Variants in NOX4 observed in about 807,000 individuals in gnomAD.
The protein encoded by NOX4 is kidney oxidase-1.
NOX4 carries 69 observed loss-of-function variants against 87.6 expected under a neutral mutation model. That is an observed-to-expected ratio of 0.79 (90% CI 0.65 to 0.96). NOX4 has a LOEUF of 0.96. Ranked by LOEUF, NOX4 falls within the 40% of genes least tolerant of loss-of-function variation. The pLI is 0.00. For synonymous variants in NOX4, 275 were observed against 238.2 expected, an observed-to-expected ratio of 1.15 and a Z score of -1.42; for missense variants, 680 against 681.5, an observed-to-expected ratio of 1.00 and a Z score of 0.02.
chr11:89,555,507 G>A, the NOX4 span, among the ~76,000 whole-genome samples: 1 of 152,044 alleles, frequency 6.6e-6, no homozygotes, highest in African/African-American at 2.4e-5. Flanking sequence ...TTTTTAGTGT[G>A]CTTTCTTATT....
At chr11:89,332,209 A>ACT (rs5793402) in intron 17 of NOX4, among the ~76,000 whole-genome samples, 1 of 96,934 alleles carries the variant, frequency 1.0e-5, no homozygotes, top group African/African-American at 2.2e-4. Flanking sequence ...ATCCAGGAGA[A>ACT]GTCACTTGAC....
chr11:89,488,688 C>A (rs568531577), intron 2 of NOX4, among the ~76,000 whole-genome samples: 90 of 152,222 alleles, frequency 5.9e-4, no homozygotes, highest in Admixed American at 3.5e-3. Context: ...TGATCCAGAG[C>A]AAATTTTACC....
chr11:89,571,445 C>T, the NOX4 span, among the ~76,000 whole-genome samples: 3 of 151,936 alleles, frequency 2.0e-5, no homozygotes, highest in Non-Finnish European at 4.4e-5. Context: ...TACAGGCGCA[C>T]ACCACCATGC....
rs184427899 is a variant in NOX4, at chr11:89,368,763, A to G, written c.1135+4669T>C. 2.4e-4 allele frequency among the ~76,000 whole-genome samples: 37 copies of G among 152,174 alleles called. No individual in the cohort carries two copies. The South Asian group carries it at 4.6e-3, about 19-fold the overall frequency. ...GTTGGTCAATTTCTGTGGAATAACT[A>G]CTATCACTGTGAGTGATGGGAAGCT... On this transcript the variant is annotated intron_variant, in intron 12 of 17. Coordinates refer to ENST00000263317, the MANE Select transcript of NOX4 (RefSeq NM_016931.5).
upstream of NOX4, among the ~76,000 whole-genome samples, chr11:89,494,272 C>T (rs1164255053): frequency 6.6e-6 from 1 of 152,194 alleles, no homozygotes; most frequent in Non-Finnish European, 1.5e-5. Context: ...TAACACTGAT[C>T]TTCCTATGTT....
chr11:89,551,945 T>C, the NOX4 span, among the ~76,000 whole-genome samples: 1 of 152,040 alleles, frequency 6.6e-6, no homozygotes, highest in Non-Finnish European at 1.5e-5. Context: ...AAATAGCTAT[T>C]ATTTTTATTT....
the NOX4 span, among the ~76,000 whole-genome samples, chr11:89,539,196 G>T: frequency 1.1e-4 from 17 of 152,278 alleles, no homozygotes; most frequent in Admixed American, 3.3e-4. Flanking sequence ...CACTTTGGGA[G>T]GCCAAGACGG....
At chr11:89,363,090 C>T (rs562920069) in intron 12 of NOX4, among the ~76,000 whole-genome samples, 16 of 151,930 alleles carry the variant, frequency 1.1e-4, no homozygotes, top group Middle Eastern at 3.4e-3. Context: ...AAGATACAAA[C>T]GCTACAAGTA....
the NOX4 span, among the ~76,000 whole-genome samples, chr11:89,514,686 G>T: frequency 6.6e-6 from 1 of 151,786 alleles, no homozygotes; most frequent in African/African-American, 2.4e-5. Flanking sequence ...TCATGAAGGG[G>T]TATTGAATTT....
At chr11:89,458,377 A>T (rs929900303) in intron 2 of NOX4, among the ~76,000 whole-genome samples, 5 of 152,226 alleles carry the variant, frequency 3.3e-5, no homozygotes, top group African/African-American at 1.2e-4. Flanking sequence ...ACCTGGTAAA[A>T]ATACCATTCA....
chr11:89,397,944 G>A (rs1941596000), intron 11 of NOX4, among the ~76,000 whole-genome samples: 1 of 151,806 alleles, frequency 6.6e-6, no homozygotes, highest in South Asian at 2.1e-4. Context: ...GAAAAAGAGG[G>A]AATCCTCCCT....
At chr11:89,345,483 C>G (rs768479774) in intron 13 of NOX4, among the ~76,000 whole-genome samples, 2 of 152,166 alleles carry the variant, frequency 1.3e-5, no homozygotes, top group Non-Finnish European at 2.9e-5. Flanking sequence ...GCCACAGCTT[C>G]CAGCCAGACA....
intron 2 of NOX4, among the ~76,000 whole-genome samples, chr11:89,466,633 C>A (rs942297690): frequency 6.6e-6 from 1 of 152,090 alleles, no homozygotes; most frequent in African/African-American, 2.4e-5. Flanking sequence ...CAATAGTGAA[C>A]TAAAAACATA....
chr11:89,373,048 T>C (rs577538984), intron 12 of NOX4, among the ~76,000 whole-genome samples: 10 of 151,838 alleles, frequency 6.6e-5, no homozygotes, highest in Non-Finnish European at 1.3e-4. Flanking sequence ...ATGCAAGAAC[T>C]GGAAGATTTG....
the NOX4 span, among the ~76,000 whole-genome samples, chr11:89,518,806 G>A: frequency 6.6e-6 from 1 of 152,016 alleles, no homozygotes; most frequent in South Asian, 2.1e-4. Flanking sequence ...GATCCACAGT[G>A]CTCTAAGGAC....
chr11:89,329,257 A>G (rs938977772), intron 17 of NOX4, among the ~76,000 whole-genome samples: 13 of 151,492 alleles, frequency 8.6e-5, no homozygotes, highest in African/African-American at 2.9e-4. Context: ...TAAATATACT[A>G]GATGAGTTAA....
chr11:89,473,695 A>G (rs916947426), intron 2 of NOX4, among the ~76,000 whole-genome samples: 1 of 152,158 alleles, frequency 6.6e-6, no homozygotes, highest in African/African-American at 2.4e-5. Context: ...AATTGAATCT[A>G]TAAAATTGTT....
chr11:89,465,150 ACCC>A (rs1396149449), intron 2 of NOX4, among the ~76,000 whole-genome samples: 1 of 151,188 alleles, frequency 6.6e-6, no homozygotes. Flanking sequence ...GCCCCCCACC[ACCC>A]AACAAGCCCC....
intron 8 of NOX4, among the ~76,000 whole-genome samples, chr11:89,411,791 G>T (rs1365997345): frequency 1.3e-5 from 2 of 151,980 alleles, no homozygotes; most frequent in Admixed American, 1.3e-4. Flanking sequence ...AAGCAAATAA[G>T]AAAATGGTAC....
Sources: allele counts gnomAD v4.1 joint callset (sites outside exome capture counted in the v4.1 genomes callset), GRCh38; gene constraint gnomAD v4.1.1; transcripts MANE v1.5; gene names NCBI Gene and HGNC (gene_info 2026-07-23, HGNC 2026-07-21).